COL26A1: variants seen among roughly 807,000 people sequenced by gnomAD.
COL26A1 encodes the protein collagen alpha-1(XXVI) chain.
In COL26A1, 41 loss-of-function variants were observed where a neutral mutation model predicts 59.3. The observed-to-expected ratio is 0.69, with a 90% CI of 0.54 to 0.90. The LOEUF is 0.90. Ranked by LOEUF, COL26A1 falls within the 40% of genes least tolerant of loss-of-function variation. The pLI, the probability that COL26A1 is intolerant of heterozygous loss-of-function variation, is 0.00. For missense variants in COL26A1, 612 were observed against 602.3 expected (o/e 1.02, Z -0.17); for synonymous variants, 266 against 256.0 (o/e 1.04, Z -0.37).
At chr7:101,478,146 C>T (rs1413193424) in intron 3 of COL26A1, among the ~76,000 whole-genome samples, 1 of 152,134 alleles carries the variant, frequency 6.6e-6, no homozygotes, top group African/African-American at 2.4e-5. Context: ...CTACGCCCAC[C>T]TAATTTTTGT....
chr7:101,454,732 G>A (rs1793429490), intron 3 of COL26A1, among the ~76,000 whole-genome samples: 1 of 152,126 alleles, frequency 6.6e-6, no homozygotes, highest in South Asian at 2.1e-4. Flanking sequence ...TGTTAGATAA[G>A]CCTCGTTCAG....
At chr7:101,452,246 GC>G (rs1484128254) in intron 3 of COL26A1, among the ~76,000 whole-genome samples, 2 of 152,132 alleles carry the variant, frequency 1.3e-5, no homozygotes, top group Non-Finnish European at 1.5e-5. Context: ...AAACACAGTA[GC>G]CCATGGCAGC....
At chr7:101,471,314 G>A (rs116455978) in intron 3 of COL26A1, among the ~76,000 whole-genome samples, 2,458 of 152,222 alleles carry the variant, frequency 0.016, 66 homozygotes, top group African/African-American at 0.057. Context: ...GCCACATCAC[G>A]ATACACCCTG....
intron 3 of COL26A1, among the ~76,000 whole-genome samples, chr7:101,518,925 A>G (rs1054640201): frequency 6.6e-6 from 1 of 152,154 alleles, no homozygotes; most frequent in Admixed American, 6.6e-5. Flanking sequence ...TCTGTCCCCA[A>G]CGGAGGGCCA....
At chr7:101,519,233 C>T (rs546401777) in intron 3 of COL26A1, among the ~76,000 whole-genome samples, 3 of 152,296 alleles carry the variant, frequency 2.0e-5, no homozygotes, top group South Asian at 2.1e-4. Context: ...TGGGAGCTCT[C>T]CCGGATGTTA....
chr7:101,377,152 C>A (rs1239267594), intron 1 of COL26A1, among the ~76,000 whole-genome samples: 1 of 151,958 alleles, frequency 6.6e-6, no homozygotes, highest in Non-Finnish European at 1.5e-5. Context: ...AGCCACTGTG[C>A]CTGGCCTTCT....
chr7:101,381,228 A>G (rs145012340), intron 1 of COL26A1, among the ~76,000 whole-genome samples: 57 of 152,326 alleles, frequency 3.7e-4, no homozygotes, highest in African/African-American at 1.3e-3. Context: ...TCCAGCTTCT[A>G]GAATTTATCA....
At chr7:101,455,290 T>G (rs911864213) in intron 3 of COL26A1, among the ~76,000 whole-genome samples, 1 of 151,798 alleles carries the variant, frequency 6.6e-6, no homozygotes, top group African/African-American at 2.4e-5. Flanking sequence ...GCAATCCACC[T>G]GCCTAGACCT....
At chr7:101,474,220 A>G (rs1175960851) in intron 3 of COL26A1, among the ~76,000 whole-genome samples, 1 of 152,186 alleles carries the variant, frequency 6.6e-6, no homozygotes, top group Non-Finnish European at 1.5e-5. Context: ...TAGTAAGTGA[A>G]TGATTGATCC....
At chr7:101,532,652 T>G (rs1354037571) in intron 3 of COL26A1, among the ~76,000 whole-genome samples, 1 of 152,158 alleles carries the variant, frequency 6.6e-6, no homozygotes, top group Non-Finnish European at 1.5e-5. Context: ...TCCTACCCTG[T>G]GTCTATTAGC....
At chr7:101,527,485 G>A (rs1295730973) in intron 3 of COL26A1, among the ~76,000 whole-genome samples, 4 of 147,044 alleles carry the variant, frequency 2.7e-5, no homozygotes, top group Non-Finnish European at 4.5e-5. Context: ...GCACCACCAC[G>A]TCCAGCTGAT....
At chr7:101,371,245 C>G (rs957637806) in intron 1 of COL26A1, among the ~76,000 whole-genome samples, 3 of 152,200 alleles carry the variant, frequency 2.0e-5, no homozygotes, top group African/African-American at 7.2e-5. Context: ...GCTCAGCAGA[C>G]TCTGGGGAAG....
rs377048229 is a variant in COL26A1 at position 101,363,015 on chromosome 7, C to A, written c.-18C>A. ...CCTCGTGCCCGGGACTCCGGGTCCC[C>A]GCGGGCTGCTGCGCACGATGAAGCT... On this transcript the variant is annotated 5_prime_UTR_variant, in exon 1 of 13. Transcript: ENST00000313669. 1 of 1,565,848 alleles carries A rather than the reference C, an allele frequency of 6.4e-7. No homozygotes were observed. The highest frequency in any genetic ancestry group is 2.4e-5 in the East Asian group (1 of 41,734).
intron 3 of COL26A1, among the ~76,000 whole-genome samples, chr7:101,464,302 G>C (rs1310966846): frequency 6.6e-6 from 1 of 152,100 alleles, no homozygotes; most frequent in African/African-American, 2.4e-5. Context: ...GTTTCACCAT[G>C]TTGGTCAGGC....
rs891007324 is a variant in COL26A1, at chr7:101,432,010, CAGGCTGTG to C, written c.281+11914_281+11921del. Among the ~76,000 whole-genome samples the C allele has an allele frequency of 4.4e-4, 67 of 151,326 alleles. 1 individual carries two copies. The highest frequency in any genetic ancestry group is 1.5e-3 in the Admixed American group (23 of 15,136). ...GAGACGAAGTTTTGCTCTCGTTGCC[CAGGCTGTG>C]AGTGCAATCTTGGCTCACTGTAACA... is the stretch of plus-strand genomic sequence containing the variant. On this transcript the variant is annotated intron_variant, in intron 2 of 12. Coordinates refer to ENST00000313669, the MANE Select transcript of COL26A1 (RefSeq NM_001278563.3).
At chr7:101,476,907 G>A (rs1794061683) in intron 3 of COL26A1, among the ~76,000 whole-genome samples, 1 of 149,602 alleles carries the variant, frequency 6.7e-6, no homozygotes. Flanking sequence ...GCACTGGCAC[G>A]ATCTCGGCTC....
chr7:101,455,573 G>C (rs1584422330), intron 3 of COL26A1, among the ~76,000 whole-genome samples: 2 of 142,572 alleles, frequency 1.4e-5, no homozygotes, highest in East Asian at 4.1e-4. Flanking sequence ...TGCAATCTCA[G>C]CTCACTGCAA....
At chr7:101,365,751 G>A (rs1224234879) in intron 1 of COL26A1, among the ~76,000 whole-genome samples, 3 of 152,068 alleles carry the variant, frequency 2.0e-5, no homozygotes, top group African/African-American at 4.8e-5. Flanking sequence ...GCCGGTACGG[G>A]GATTGAATGG....
chr7:101,475,242 G>A (rs1259602804), intron 3 of COL26A1, among the ~76,000 whole-genome samples: 1 of 151,148 alleles, frequency 6.6e-6, no homozygotes, highest in Non-Finnish European at 1.5e-5. Context: ...GTGAAACTTA[G>A]CAAGGCATGT....
Sources: gnomAD v4.1 joint callset for allele counts (sites outside exome capture counted in the v4.1 genomes callset) on GRCh38, gnomAD v4.1.1 for gene constraint, MANE v1.5 for transcripts, NCBI Gene and HGNC (gene_info 2026-07-23, HGNC 2026-07-21) for gene names.